Variants in IGFN1 observed in about 807,000 individuals in gnomAD.
IGFN1 encodes immunoglobulin-like and fibronectin type III domain-containing protein 1.
A neutral mutation model predicts 289.5 loss-of-function variants in IGFN1; 253 were observed. The observed-to-expected ratio is 0.87, with a 90% CI of 0.79 to 0.97. IGFN1 has a LOEUF of 0.97. Among genes scored for constraint, IGFN1 ranks in the 50% least tolerant of loss-of-function variants. IGFN1 has a pLI of 0.00. For missense variants in IGFN1, 4,470 were observed against 4,686.1 expected (o/e 0.95, Z 1.35); for synonymous variants, 1,706 against 1,788.5 (o/e 0.95, Z 1.16).
Position 201,221,803 on chromosome 1 carries a change from G to T in IGFN1, c.10201+57G>T, listed in dbSNP as rs1440739275. 9 of 1,461,330 alleles carry T rather than the reference G, an allele frequency of 6.2e-6. No individual in the cohort carries two copies. In the South Asian group the frequency reaches 1.2e-4, roughly 20 times the overall value. The allele number at this position is 1,461,330 out of a possible 1,614,324, so 90.5% of individuals were successfully genotyped here. ...CCCTGCAGGCCTCTCCTAAGAGGGG[G>T]CCCCTGAGTAGCCGCAATGCACTTA... On this transcript the variant is annotated intron_variant, in intron 19 of 23. Transcript: ENST00000335211.
At position 201,215,785 on chromosome 1, in the gene IGFN1, C is replaced by T; in HGVS notation, c.9242C>T (p.Thr3081Ile). The T allele has an allele frequency of 6.3e-7, 1 of 1,599,590 alleles. No homozygotes were observed. Among genetic ancestry groups the T allele is most frequent in the Non-Finnish European group, 8.5e-7 (1 of 1,171,622 alleles). The change falls in exon 15 of 24, where the codon ACA becomes ATA. Residue 3081 changes from threonine to isoleucine, a missense_variant. Transcript: ENST00000335211. The stretch of plus-strand genomic sequence containing the variant: ...AAGGACTGTGGCCAGTACAGCGTGA[C>T]ACTGAGGAGTGAGGGAGGCTCTGTG... The part of the protein sequence containing the change: ...GRKDCGQYSV[T>I]LRSEGGSVQA...
intron 22 of IGFN1, 41 bp from the exon 23 acceptor site, chr1:201,226,841 C>G (rs571881720): frequency 6.8e-7 from 1 of 1,481,020 alleles, no homozygotes; most frequent in African/African-American, 1.4e-5. Flanking sequence ...AGGCCTTCCT[C>G]GCTTTCTCAC....
Position 201,218,581 on chromosome 1 carries a change from G to A in IGFN1, c.9821G>A (p.Arg3274Gln), listed in dbSNP as rs527336833. ...DVRQGCQYEF[R>Q]VTAVAPSGPG... ...CGGCAGGGCTGTCAGTATGAGTTCC[G>A]GGTCACAGCTGTGGCTCCCTCAGGT... Residue 3274 changes from arginine to glutamine, a missense_variant, in exon 18 of 24, where the codon CGG becomes CAG. Coordinates refer to ENST00000335211, the MANE Select transcript of IGFN1 (RefSeq NM_001164586.2). 2.7e-5 allele frequency: 44 copies of A among 1,613,396 alleles called. No individual in the cohort carries two copies. Among genetic ancestry groups the A allele is most frequent in the East Asian group, 2.7e-4 (12 of 44,878 alleles).
rs1369905130 is a variant in IGFN1, at chr1:201,203,866, G to A, written c.876G>A (p.Val292=). ...ACTCTGGCATTTACCAGGTCAAGGTGGAGGATGCTGTGGTCTTCTCCACAG... is the reference window on the plus strand; with the variant it reads ...ACTCTGGCATTTACCAGGTCAAGGTAGAGGATGCTGTGGTCTTCTCCACAG... ...PEDSGIYQVK[V]EDAVVFSTEL... Residue 292 remains valine, a synonymous_variant, in exon 10 of 24, where the codon GTG becomes GTA. Coordinates refer to ENST00000335211, the MANE Select transcript of IGFN1 (RefSeq NM_001164586.2). 1 of 1,551,586 alleles carries A rather than the reference G, an allele frequency of 6.4e-7. No homozygotes were observed. Among genetic ancestry groups the A allele is most frequent in the African/African-American group, 1.4e-5 (1 of 73,042 alleles).
chr1:201,206,909 T>A lies in IGFN1; in HGVS notation c.2016T>A (p.Gly672=), dbSNP rs951878134. The change falls in exon 12 of 24, where the codon GGT becomes GGA. Residue 672 remains glycine (G), a synonymous_variant. Coordinates refer to ENST00000335211, the MANE Select transcript of IGFN1 (RefSeq NM_001164586.2). The part of the protein sequence containing the change: ...GEAGDSNGAG[G]PGTLELTGGR... ...CTGGAGACAGCAATGGGGCAGGAGGTCCTGGCACCCTGGAGCTTACTGGAG... is the reference window on the plus strand; with the variant it reads ...CTGGAGACAGCAATGGGGCAGGAGGACCTGGCACCCTGGAGCTTACTGGAG... The A allele has an allele frequency of 6.5e-7, 1 of 1,535,824 alleles. No homozygotes were observed. The highest frequency in any genetic ancestry group is 8.7e-7 in the Non-Finnish European group (1 of 1,146,412).
At position 201,210,494 on chromosome 1, in the gene IGFN1, G is replaced by A; in HGVS notation, c.5601G>A (p.Gly1867=). The change falls in exon 12 of 24, where the codon GGG becomes GGA. Residue 1867 remains glycine, a synonymous_variant. Coordinates refer to ENST00000335211, the MANE Select transcript of IGFN1 (RefSeq NM_001164586.2). ...DLGAPKGIGS[G]SKADFRDALG... ...GTGCTCCTAAGGGAATAGGTTCAGG[G>A]AGCAAGGCAGATTTTAGGGATGCTT... The A allele has an allele frequency of 7.4e-7, 1 of 1,360,100 alleles. No homozygotes were observed. The highest frequency in any genetic ancestry group is 9.6e-7 in the Non-Finnish European group (1 of 1,037,264). The allele number at this position is 1,360,100 out of a possible 1,614,324, so 84.3% of individuals were successfully genotyped here.
chr1:201,205,466 A>G, intron 11 of IGFN1, 112 bp downstream of exon 11: 1 of 1,212,002 alleles, frequency 8.3e-7, no homozygotes, highest in Non-Finnish European at 1.1e-6. Flanking sequence ...GAATAAGGAA[A>G]GCTCCTTAGA....
chr1:201,200,231 CCCCAGGG>C lies in IGFN1; in HGVS notation c.459-2_463del. 1 of 1,550,670 alleles carries C rather than the reference CCCCAGGG, an allele frequency of 6.4e-7. No individual in the cohort carries two copies. Among genetic ancestry groups the C allele is most frequent in the Non-Finnish European group, 8.7e-7 (1 of 1,146,400 alleles). On this transcript the variant is annotated splice_acceptor_variant and splice_polypyrimidine_tract_variant and coding_sequence_variant and intron_variant, in exon 8 of 24. Transcript: ENST00000335211. LOFTEE classifies it high-confidence loss of function. Reference sequence around the variant, plus strand: ...TGGCCTCTGACCTGCTAGCCTTGCTCCCCAGGGCCCCACCAGCCCCCAAGAAAAAGAT... The same window carrying C: ...TGGCCTCTGACCTGCTAGCCTTGCTCCCCCACCAGCCCCCAAGAAAAAGAT...
chr1:201,209,143 A>T lies in IGFN1; in HGVS notation c.4250A>T (p.Tyr1417Phe). 6.6e-7 allele frequency: 1 copy of T among 1,512,662 alleles called. No individual in the cohort carries two copies. The highest frequency in any genetic ancestry group is 8.8e-7 in the Non-Finnish European group (1 of 1,137,158). 93.7% of individuals were successfully genotyped at this position (1,512,662 alleles called of 1,614,324 possible). The part of the protein sequence containing the change: ...ESGHRNGIGG[Y>F]GEMGSGYRED... Reference sequence around the variant, plus strand: ...GGTCATAGGAATGGGATTGGAGGTTATGGGGAAATGGGGTCAGGTTATAGG... The same window carrying T: ...GGTCATAGGAATGGGATTGGAGGTTTTGGGGAAATGGGGTCAGGTTATAGG... The change falls in exon 12 of 24, where the codon TAT (tyrosine) becomes TTT (phenylalanine). Residue 1417 changes from tyrosine to phenylalanine, a missense_variant. Physicochemically the swap from Tyr to Phe is conservative, Grantham distance 22. This residue lies in a region of IGFN1 where 2,011 missense variants were observed against 1,953.4 expected (regional missense o/e 1.03). Coordinates refer to ENST00000335211, the MANE Select transcript of IGFN1 (RefSeq NM_001164586.2).
chr1:201,202,330 T>A (rs1488897825), intron 9 of IGFN1, among the ~76,000 whole-genome samples: 1 of 152,222 alleles, frequency 6.6e-6, no homozygotes, highest in Non-Finnish European at 1.5e-5. Context: ...ATCTTCCCCA[T>A]GCCTCGGCTT....
At position 201,208,462 on chromosome 1, in the gene IGFN1, A is replaced by G. The variant is rs753688269; in HGVS notation, c.3569A>G (p.Glu1190Gly). The G allele has an allele frequency of 1.4e-6, 2 of 1,445,778 alleles. No individual in the cohort carries two copies. The highest frequency in any genetic ancestry group is 2.5e-5 in the East Asian group (1 of 40,280). 89.6% of individuals were successfully genotyped at this position (1,445,778 alleles called of 1,614,324 possible). The change falls in exon 12 of 24, where the codon GAG becomes GGG. Residue 1190 changes from glutamate (E) to glycine (G), a missense_variant. This residue lies in a region of IGFN1 where 2,011 missense variants were observed against 1,953.4 expected (regional missense o/e 1.03). Transcript: ENST00000335211. ...AGYRDDTRHPESLAPHNGAAS... is the reference protein window; with the variant it reads ...AGYRDDTRHPGSLAPHNGAAS... The stretch of plus-strand genomic sequence containing the variant: ...TATAGGGATGATACCAGGCACCCTG[A>G]GTCACTCGCACCTCACAATGGGGCC...
chr1:201,226,165 T>A (rs1380406727), intron 22 of IGFN1, 42 bp downstream of exon 22: 1 of 1,526,072 alleles, frequency 6.6e-7, no homozygotes. Flanking sequence ...GGGTGGGGGT[T>A]GCGCTCTGCA....
chr1:201,225,152 G>A (rs1314050744), intron 21 of IGFN1, among the ~76,000 whole-genome samples: 1 of 152,244 alleles, frequency 6.6e-6, no homozygotes, highest in Non-Finnish European at 1.5e-5. Flanking sequence ...GAGTCAGTGA[G>A]CAGAGGCGGT....
intron 4 of IGFN1, among the ~76,000 whole-genome samples, chr1:201,196,186 G>T (rs888709014): frequency 6.6e-6 from 1 of 152,200 alleles, no homozygotes; most frequent in Non-Finnish European, 1.5e-5. Context: ...TAACCTGGGA[G>T]GTGGTGTAGA....
intron 13 of IGFN1, 56 bp from the exon 14 acceptor site, chr1:201,214,957 T>C: frequency 1.3e-6 from 2 of 1,581,042 alleles, no homozygotes; most frequent in Non-Finnish European, 8.6e-7. Flanking sequence ...TTAGCTGGCC[T>C]GAAGGAACTG....
intron 18 of IGFN1, 121 bp from the exon 19 acceptor site, chr1:201,221,322 TA>T: frequency 1.3e-6 from 1 of 768,872 alleles, no homozygotes. Context: ...AGGAAGAATC[TA>T]AAGGCAGAAT....
intron 4 of IGFN1, among the ~76,000 whole-genome samples, chr1:201,196,766 T>C (rs1285560596): frequency 6.6e-6 from 1 of 152,242 alleles, no homozygotes; most frequent in Non-Finnish European, 1.5e-5. Flanking sequence ...ATGGGATACC[T>C]ACTATGTGCC....
chr1:201,194,417 A>G, intron 3 of IGFN1, 144 bp downstream of exon 3: 1 of 881,608 alleles, frequency 1.1e-6, no homozygotes, highest in South Asian at 1.8e-5. Flanking sequence ...CCTATCCTTG[A>G]GGGGGTATGT....
At chr1:201,200,056 G>A (rs967527437) in intron 7 of IGFN1, among the ~76,000 whole-genome samples, 181 bp from the exon 8 acceptor site, 4 of 151,968 alleles carry the variant, frequency 2.6e-5, no homozygotes, top group Admixed American at 6.5e-5. Context: ...GCTGAGGCTC[G>A]CCCCACCCAT....
Sources: gnomAD v4.1 joint callset for allele counts (sites outside exome capture counted in the v4.1 genomes callset) on GRCh38, gnomAD v4.1.1 for gene constraint, gnomAD v4.1.1 regional missense constraint, MANE v1.5 for transcripts, NCBI Gene and HGNC (gene_info 2026-07-23, HGNC 2026-07-21) for gene names.